Variants in MBD5 observed in about 807,000 individuals in gnomAD.
MBD5 encodes the protein methyl-CpG binding domain protein 5.
In MBD5, 13 loss-of-function variants were observed where a neutral mutation model predicts 117.3. The observed-to-expected ratio is 0.11, with a 90% CI of 0.07 to 0.18. MBD5 has a LOEUF of 0.18. Among genes scored for constraint, MBD5 ranks in the 10% least tolerant of loss-of-function variants. The pLI is 1.00. For synonymous variants in MBD5, 727 were observed against 766.4 expected (o/e 0.95, Z 0.85); for missense variants, 1,879 against 2,093.8 (o/e 0.90, Z 2.00).
chr2:148,507,496 A>T (rs1682069730), intron 12 of MBD5, among the ~76,000 whole-genome samples: 4 of 151,386 alleles, frequency 2.6e-5, no homozygotes. Flanking sequence ...GCGGTGGCTC[A>T]CGCCTGTAAT....
At chr2:148,198,260 G>A (rs961825803) in intron 2 of MBD5, among the ~76,000 whole-genome samples, 43 of 151,828 alleles carry the variant, frequency 2.8e-4, no homozygotes, top group African/African-American at 9.4e-4. Flanking sequence ...TATTGCCTTC[G>A]TATGTGTCTG....
chr2:148,489,462 A>C lies in MBD5; in HGVS notation c.3830A>C (p.Asn1277Thr), dbSNP rs1681445691. Residue 1277 changes from asparagine (N) to threonine (T), a missense_variant, in exon 11 of 14, where the codon AAT becomes ACT. By Grantham distance (65) the Asn-to-Thr change is moderately conservative (BLOSUM62 0). Around this residue, in one of 4 missense-constraint regions of MBD5, gnomAD observed 1,666 missense variants for 1,792.2 expected, o/e 0.93. Coordinates refer to ENST00000642680, the MANE Select transcript of MBD5 (RefSeq NM_001378120.1). Reference protein sequence around the residue: ...TQPGLTALPENPNTTLPPFQD... With the variant: ...TQPGLTALPETPNTTLPPFQD... ...CCTGGGCTCACAGCACTTCCTGAGA[A>C]TCCAAACACTACACTTCCACCTTTT... The C allele has an allele frequency of 1.9e-6, 3 of 1,614,212 alleles. No homozygotes were observed. Among genetic ancestry groups the C allele is most frequent in the Non-Finnish European group, 1.7e-6 (2 of 1,180,038 alleles).
chr2:148,179,690 A>G, intron 2 of MBD5, among the ~76,000 whole-genome samples: 1 of 152,180 alleles, frequency 6.6e-6, no homozygotes, highest in East Asian at 1.9e-4. Flanking sequence ...ATGACTAAGT[A>G]AATTTCTGAG....
chr2:148,507,813 G>T (rs1251223973), intron 12 of MBD5, among the ~76,000 whole-genome samples: 1 of 151,644 alleles, frequency 6.6e-6, no homozygotes, highest in Non-Finnish European at 1.5e-5. Flanking sequence ...TAAATAACAG[G>T]TATTTCTTTT....
Position 148,484,145 on chromosome 2 carries a change from A to T in MBD5, c.3544+10A>T, listed in dbSNP as rs1171726345. On this transcript the variant is annotated intron_variant, in intron 9 of 13. Coordinates refer to ENST00000642680, the MANE Select transcript of MBD5 (RefSeq NM_001378120.1). ...GGGACAGGTCTACTTGGTAAGTTAAATTTTTTCACAAATTTTTTACAAAAG... is the reference window on the plus strand; with the variant it reads ...GGGACAGGTCTACTTGGTAAGTTAATTTTTTTCACAAATTTTTTACAAAAG... 2.1e-6 allele frequency: 3 copies of T among 1,410,830 alleles called. No individual in the cohort carries two copies. Among genetic ancestry groups the T allele is most frequent in the Non-Finnish European group, 2.8e-6 (3 of 1,081,506 alleles). The allele number at this position is 1,410,830 out of a possible 1,614,324, so 87.4% of individuals were successfully genotyped here.
At chr2:148,026,258 A>G (rs1693889436) in intron 1 of MBD5, 2 of 152,206 alleles carry the variant, frequency 1.3e-5, no homozygotes, top group African/African-American at 4.8e-5. Flanking sequence ...AATTCAAAAC[A>G]CAGTCACAGT....
At chr2:148,330,866 A>G (rs1299036800) in intron 3 of MBD5, among the ~76,000 whole-genome samples, 1 of 152,224 alleles carries the variant, frequency 6.6e-6, no homozygotes, top group Non-Finnish European at 1.5e-5. Context: ...ATTACTGTTC[A>G]TGTATCATTT....
intron 1 of MBD5, among the ~76,000 whole-genome samples, chr2:148,148,741 C>A (rs974525713): frequency 2.0e-5 from 3 of 152,062 alleles, no homozygotes; most frequent in African/African-American, 7.2e-5. Context: ...ATAGATATGA[C>A]ATGCTTGATA....
chr2:148,228,197 A>G (rs1485832134), intron 2 of MBD5, among the ~76,000 whole-genome samples: 3 of 152,172 alleles, frequency 2.0e-5, no homozygotes, highest in Non-Finnish European at 4.4e-5. Context: ...CCTGTTTTCA[A>G]AGGGAATGCT....
chr2:148,385,223 G>A (rs1156568348), intron 4 of MBD5, among the ~76,000 whole-genome samples: 2 of 152,128 alleles, frequency 1.3e-5, no homozygotes, highest in Non-Finnish European at 2.9e-5. Flanking sequence ...ATCTGACAAA[G>A]GGCTACTATC....
rs182519455 is a variant in MBD5 at position 148,077,505 on chromosome 2, T to C, written c.-925+55821T>C. Among the ~76,000 whole-genome samples the C allele has an allele frequency of 4.6e-5, 7 of 152,312 alleles. No homozygotes were observed. The East Asian group carries it at 1.3e-3, about 29-fold the overall frequency. On this transcript the variant is annotated intron_variant, in intron 1 of 13. Coordinates refer to ENST00000642680, the MANE Select transcript of MBD5 (RefSeq NM_001378120.1). Reference sequence around the variant, plus strand: ...GTCAGAGAATGGAAGTACATAGAAGTAGATTTTTATCTTCTCTACTATGGA... The same window carrying C: ...GTCAGAGAATGGAAGTACATAGAAGCAGATTTTTATCTTCTCTACTATGGA...
Position 148,366,320 on chromosome 2 carries a change from C to T in MBD5, c.-557+23984C>T, listed in dbSNP as rs543511611. Among the ~76,000 whole-genome samples, 256 of 61,364 alleles carry T rather than the reference C, an allele frequency of 4.2e-3. 1 individual carries two copies. Among genetic ancestry groups the T allele is most frequent in the Non-Finnish European group, 6.5e-3 (184 of 28,510 alleles). 40.3% of individuals were successfully genotyped at this position (61,364 alleles called of 152,430 possible). On this transcript the variant is annotated intron_variant, in intron 4 of 13. Transcript: ENST00000642680. ...ATCAATAAACTAGGTATTGATGGAA[C>T]GTATCTCAAAATAATGAAAGCTATT...
chr2:148,112,845 G>A (rs1696534194), intron 1 of MBD5, among the ~76,000 whole-genome samples: 1 of 152,028 alleles, frequency 6.6e-6, no homozygotes, highest in African/African-American at 2.4e-5. Flanking sequence ...GCACCTGTTT[G>A]ATCATCTAAA....
At chr2:148,359,742 A>C (rs1174120220) in intron 4 of MBD5, among the ~76,000 whole-genome samples, 1 of 152,134 alleles carries the variant, frequency 6.6e-6, no homozygotes, top group Non-Finnish European at 1.5e-5. Context: ...AGTCATTTAA[A>C]TGTGGTTTTT....
intron 1 of MBD5, chr2:148,027,121 T>C (rs1693918894): frequency 1.3e-5 from 2 of 152,144 alleles, no homozygotes; most frequent in South Asian, 4.1e-4. Context: ...CCATAAAAAA[T>C]GGGAAGTTTA....
intron 3 of MBD5, among the ~76,000 whole-genome samples, chr2:148,285,628 T>G (rs1012316555): frequency 6.6e-6 from 1 of 152,254 alleles, no homozygotes; most frequent in African/African-American, 2.4e-5. Context: ...AATATTACAT[T>G]GAAATCCAGA....
At chr2:148,082,030 T>C (rs1258246744) in intron 1 of MBD5, among the ~76,000 whole-genome samples, 1 of 152,204 alleles carries the variant, frequency 6.6e-6, no homozygotes, top group African/African-American at 2.4e-5. Flanking sequence ...TCTGCTTCCA[T>C]TCTGTAGCAT....
intron 2 of MBD5, among the ~76,000 whole-genome samples, chr2:148,180,691 C>T (rs553764043): frequency 4.3e-4 from 65 of 152,012 alleles, no homozygotes; most frequent in African/African-American, 1.0e-3. Flanking sequence ...CCACCTCGCC[C>T]GGCATCTTTT....
intron 3 of MBD5, among the ~76,000 whole-genome samples, chr2:148,254,691 A>G (rs1700542127): frequency 6.6e-6 from 1 of 152,166 alleles, no homozygotes; most frequent in African/African-American, 2.4e-5. Context: ...TCCATCAGGG[A>G]CCAACCTTGG....
Sources: allele counts gnomAD v4.1 joint callset (sites outside exome capture counted in the v4.1 genomes callset), GRCh38; gene constraint gnomAD v4.1.1; regional missense constraint gnomAD v4.1.1; transcripts MANE v1.5; gene names NCBI Gene and HGNC (gene_info 2026-07-23, HGNC 2026-07-21).